The following MYO18B variants were observed in gnomAD, a reference collection of about 807,000 sequenced individuals.
The protein encoded by MYO18B is myosin XVIIIB.
In MYO18B, 204 loss-of-function variants were observed where a neutral mutation model predicts 273.0. That is an observed-to-expected ratio of 0.75 (90% confidence interval 0.67 to 0.84). The LOEUF (loss-of-function observed/expected upper bound fraction) is 0.84, where lower values mean the gene tolerates loss of function less well. MYO18B is among the 40% of genes least tolerant of loss of function. The probability of loss-of-function intolerance (pLI) is 0.00; values close to 1 mark genes in which losing one functional copy is unlikely to be tolerated. For missense variants in MYO18B, 3,212 were observed against 3,287.6 expected, an observed-to-expected ratio of 0.98 and a Z score of 0.56; for synonymous variants, 1,330 against 1,305.7, an observed-to-expected ratio of 1.02 and a Z score of -0.40.
the MYO18B span, among the ~76,000 whole-genome samples, chr22:26,052,772 T>A: frequency 6.6e-6 from 1 of 151,670 alleles, no homozygotes; most frequent in African/African-American, 2.4e-5. Flanking sequence ...TTTAAACATA[T>A]GTTGTGAGTT....
At chr22:25,987,371 A>C (rs1249116807) in intron 39 of MYO18B, among the ~76,000 whole-genome samples, 1 of 152,198 alleles carries the variant, frequency 6.6e-6, no homozygotes, top group African/African-American at 2.4e-5. Flanking sequence ...GGGGTTTAAC[A>C]AGAAATCATA....
chr22:25,957,904 C>T lies in MYO18B; in HGVS notation c.6156+2540C>T, dbSNP rs184982754. Among the ~76,000 whole-genome samples the T allele has an allele frequency of 2.2e-4, 33 of 150,876 alleles. 1 individual carries two copies. Among genetic ancestry groups the T allele is most frequent in the East Asian group, 9.8e-4 (5 of 5,126 alleles). ...TCCTCACCTTAATCATATCTACAAA[C>T]GCTTTTGCTTTTTTTTTTTTTTTTT... On this transcript the variant is annotated intron_variant, in intron 39 of 43. Transcript: ENST00000335473.
chr22:25,958,411 A>G (rs1025420647), intron 39 of MYO18B, among the ~76,000 whole-genome samples: 12 of 152,182 alleles, frequency 7.9e-5, no homozygotes, highest in Non-Finnish European at 1.8e-4. Flanking sequence ...AGGTCGGGCC[A>G]GCAGCCTCTT....
chr22:25,959,367 G>A (rs2092892493), intron 39 of MYO18B: 1 of 151,514 alleles, frequency 6.6e-6, no homozygotes, highest in South Asian at 2.1e-4. Flanking sequence ...CCAACTCCTG[G>A]GCATAAGCGA....
chr22:25,865,324 C>T (rs1013200128), intron 21 of MYO18B, among the ~76,000 whole-genome samples: 30 of 152,126 alleles, frequency 2.0e-4, no homozygotes, highest in African/African-American at 7.0e-4. Context: ...TGTGTTAGGG[C>T]TAATGTTCTC....
chr22:25,865,368 CA>C (rs1172945024), intron 21 of MYO18B, among the ~76,000 whole-genome samples: 48 of 152,162 alleles, frequency 3.2e-4, no homozygotes, highest in Non-Finnish European at 4.7e-4. Flanking sequence ...TCTCAGAAAG[CA>C]AAGAGCTGGA....
At chr22:26,001,342 T>C (rs985075882) in intron 40 of MYO18B, among the ~76,000 whole-genome samples, 4 of 152,170 alleles carry the variant, frequency 2.6e-5, no homozygotes, top group African/African-American at 4.8e-5. Flanking sequence ...AAGGTATAGA[T>C]GGCGCAGCAC....
the MYO18B span, among the ~76,000 whole-genome samples, chr22:26,037,438 A>G: frequency 6.6e-6 from 1 of 152,196 alleles, no homozygotes; most frequent in East Asian, 1.9e-4. Context: ...AGCTGGGATT[A>G]GAGTTCAGAG....
At chr22:25,941,260 C>G (rs2092640742) in intron 34 of MYO18B, among the ~76,000 whole-genome samples, 1 of 152,158 alleles carries the variant, frequency 6.6e-6, no homozygotes, top group Admixed American at 6.5e-5. Context: ...ACCTCTCCAC[C>G]CCTGAGAGGC....
chr22:25,963,160 C>CCTCT (rs35189393), intron 39 of MYO18B, among the ~76,000 whole-genome samples: 87,285 of 132,448 alleles, frequency 0.66, 29,203 homozygotes, highest in Middle Eastern at 0.75. Context: ...TCCTCTTTCT[C>CCTCT]CTCTCTCTCT....
intron 22 of MYO18B, among the ~76,000 whole-genome samples, chr22:25,873,199 C>T (rs976082489): frequency 1.3e-5 from 2 of 152,190 alleles, no homozygotes; most frequent in Non-Finnish European, 1.5e-5. Context: ...CTGTTCCCTG[C>T]AGTCTACTAG....
intron 23 of MYO18B, 86 bp downstream of exon 23, chr22:25,874,500 T>C (rs1443652248): frequency 4.0e-6 from 6 of 1,504,374 alleles, no homozygotes; most frequent in Admixed American, 4.1e-5. Flanking sequence ...ATGATACCGG[T>C]GCACCGGGTC....
chr22:25,992,574 G>T, intron 40 of MYO18B, 81 bp downstream of exon 40: 2 of 1,578,476 alleles, frequency 1.3e-6, no homozygotes, highest in Non-Finnish European at 8.6e-7. Context: ...TAGCCGGGCT[G>T]GGGCCACATT....
chr22:25,927,116 C>T (rs1338053972), intron 34 of MYO18B, among the ~76,000 whole-genome samples: 1 of 152,100 alleles, frequency 6.6e-6, no homozygotes, highest in Non-Finnish European at 1.5e-5. Flanking sequence ...ACAAATTGTA[C>T]AGCATGTGTG....
At chr22:26,024,019 C>T (rs1187031738) in intron 42 of MYO18B, among the ~76,000 whole-genome samples, 1 of 152,126 alleles carries the variant, frequency 6.6e-6, no homozygotes, top group East Asian at 1.9e-4. Flanking sequence ...AAACGTGTGG[C>T]TTTTGTTTTA....
At chr22:25,876,395 G>A (rs2146198114) in intron 24 of MYO18B, 63 bp downstream of exon 24, 1 of 1,521,396 alleles carries the variant, frequency 6.6e-7, no homozygotes, top group East Asian at 2.3e-5. Context: ...CCTCCTGTTT[G>A]CATCTAGCAC....
At chr22:26,061,084 G>T in the MYO18B span, among the ~76,000 whole-genome samples, 1 of 135,128 alleles carries the variant, frequency 7.4e-6, no homozygotes, top group Non-Finnish European at 1.5e-5. Context: ...AGCTACTGTT[G>T]GCTTGGCCCC....
intron 11 of MYO18B, among the ~76,000 whole-genome samples, chr22:25,796,850 A>G (rs2087935107): frequency 6.6e-6 from 1 of 152,222 alleles, no homozygotes; most frequent in Non-Finnish European, 1.5e-5. Context: ...GCCCTTTAGT[A>G]TCATGGTTGA....
At chr22:25,852,008 T>C (rs1200287741) in intron 21 of MYO18B, among the ~76,000 whole-genome samples, 1 of 152,188 alleles carries the variant, frequency 6.6e-6, no homozygotes, top group Non-Finnish European at 1.5e-5. Context: ...GAAGAGAGCA[T>C]CCCAGCTAAA....
Sources: gnomAD v4.1 joint callset for allele counts (sites outside exome capture counted in the v4.1 genomes callset) on GRCh38, gnomAD v4.1.1 for gene constraint, MANE v1.5 for transcripts, NCBI Gene and HGNC (gene_info 2026-07-23, HGNC 2026-07-21) for gene names.